The following PDE4D variants were observed in gnomAD, a reference collection of about 807,000 sequenced individuals.
PDE4D encodes 3',5'-cyclic-AMP phosphodiesterase 4D.
PDE4D carries 24 observed loss-of-function variants against 87.4 expected under a neutral mutation model. The ratio of observed to expected loss-of-function variants is 0.27; its 90% CI spans 0.20 to 0.39. The LOEUF is 0.39. Among genes scored for constraint, PDE4D ranks in the 10% least tolerant of loss-of-function variants. The pLI, the probability that PDE4D is intolerant of heterozygous loss-of-function variation, is 1.00. For synonymous variants in PDE4D, 384 were observed against 383.2 expected, an observed-to-expected ratio of 1.00 and a Z score of -0.02; for missense variants, 714 against 1,041.0, an observed-to-expected ratio of 0.69 and a Z score of 4.32.
At position 59,081,527 on chromosome 5, in the gene PDE4D, A is replaced by AAAAAAAAAG. The variant is rs1321797237; in HGVS notation, c.809-42557_809-42556insCTTTTTTTT. 6.3e-4 allele frequency among the ~76,000 whole-genome samples: 96 copies of AAAAAAAAAG among 151,422 alleles called. No individual in the cohort carries two copies. In the East Asian group the frequency reaches 7.9e-3, roughly 13 times the overall value. On this transcript the variant is annotated intron_variant, in intron 5 of 14. Coordinates refer to ENST00000340635, the MANE Select transcript of PDE4D (RefSeq NM_001104631.2). ...CCAGGAAGTAATCAGGTAAAAAAAA[A>AAAAAAAAAG]AAAGAAAAAAAGTGGGTTTGTTACC...
At chr5:60,383,924 C>T (rs1762032636) in intron 1 of PDE4D, among the ~76,000 whole-genome samples, 1 of 152,110 alleles carries the variant, frequency 6.6e-6, no homozygotes, top group Non-Finnish European at 1.5e-5. Context: ...AAGCACAGTA[C>T]CTACCCAGGG....
intron 12 of PDE4D, 23 bp from the exon 13 acceptor site, chr5:58,976,495 T>TAA (rs1262262347): frequency 6.6e-7 from 1 of 1,509,628 alleles, no homozygotes; most frequent in Non-Finnish European, 9.0e-7. Context: ...AGTATATTAT[T>TAA]AAGTTCAGAG....
intron 1 of PDE4D, among the ~76,000 whole-genome samples, chr5:60,437,463 G>A (rs1402026961): frequency 6.6e-6 from 1 of 152,120 alleles, no homozygotes; most frequent in Non-Finnish European, 1.5e-5. Context: ...TACAGCACAA[G>A]AAAAGCTAAG....
intron 3 of PDE4D, among the ~76,000 whole-genome samples, chr5:59,976,323 T>G (rs1761326006): frequency 6.6e-6 from 1 of 152,202 alleles, no homozygotes; most frequent in South Asian, 2.1e-4. Flanking sequence ...TGTTGAGATT[T>G]GATTCCCAAT....
chr5:60,050,147 C>T (rs2152878008), intron 2 of PDE4D, among the ~76,000 whole-genome samples: 1 of 152,284 alleles, frequency 6.6e-6, no homozygotes, highest in South Asian at 2.1e-4. Flanking sequence ...TCTGTCACCC[C>T]TTTCTTTGAC....
rs919734563 is a variant in PDE4D, at chr5:59,295,995, C to T, written c.456-80027G>A. On this transcript the variant is annotated intron_variant, in intron 1 of 14. Transcript: ENST00000340635. ...CTGCTATTCAGAGAGCCAACATAGC[C>T]AACGTTTCTCAATTGTACAGAGAAA... Among the ~76,000 whole-genome samples, 4 of 151,826 alleles carry T rather than the reference C, an allele frequency of 2.6e-5. 1 individual carries two copies. Among genetic ancestry groups the T allele is most frequent in the Admixed American group, 2.0e-4 (3 of 15,234 alleles).
At chr5:60,026,463 A>G (rs1203322801) in intron 2 of PDE4D, among the ~76,000 whole-genome samples, 1 of 152,216 alleles carries the variant, frequency 6.6e-6, no homozygotes, top group African/African-American at 2.4e-5. Flanking sequence ...GCTCACATGT[A>G]CTTAATTAAT....
At chr5:59,376,065 C>A (rs1784676671) in intron 1 of PDE4D, among the ~76,000 whole-genome samples, 1 of 152,128 alleles carries the variant, frequency 6.6e-6, no homozygotes, top group African/African-American at 2.4e-5. Context: ...CAATGATATA[C>A]CCACAGTCAA....
At chr5:60,100,329 T>A (rs1362230237) in intron 2 of PDE4D, among the ~76,000 whole-genome samples, 1 of 151,968 alleles carries the variant, frequency 6.6e-6, no homozygotes, top group African/African-American at 2.4e-5. Context: ...ATAGATGGGA[T>A]TGGGAGACAG....
chr5:59,256,910 C>T (rs1369070731), intron 1 of PDE4D, among the ~76,000 whole-genome samples: 2 of 151,900 alleles, frequency 1.3e-5, no homozygotes, highest in African/African-American at 4.8e-5. Flanking sequence ...TAAAGTTCTT[C>T]CAGAGCAACA....
chr5:59,849,644 A>T (rs1039706284), intron 1 of PDE4D, among the ~76,000 whole-genome samples: 14 of 150,840 alleles, frequency 9.3e-5, no homozygotes, highest in Non-Finnish European at 2.1e-4. Context: ...TTTTTTTTTT[A>T]AATCATACAT....
chr5:59,276,096 C>CA, intron 1 of PDE4D: 1 of 446,142 alleles, frequency 2.2e-6, no homozygotes, highest in Non-Finnish European at 2.7e-6. Flanking sequence ...GAAGGCAGTT[C>CA]AAAACACCGC....
At chr5:59,268,698 T>C (rs919448973) in intron 1 of PDE4D, among the ~76,000 whole-genome samples, 1 of 152,128 alleles carries the variant, frequency 6.6e-6, no homozygotes, top group Non-Finnish European at 1.5e-5. Flanking sequence ...CTTACCAACC[T>C]AGCTAATATC....
chr5:60,313,563 A>G (rs1216397203), intron 1 of PDE4D, among the ~76,000 whole-genome samples: 1 of 152,112 alleles, frequency 6.6e-6, no homozygotes. Flanking sequence ...ACTAGGAGGG[A>G]CTCCTCCCTA....
chr5:59,255,426 A>G (rs1056589143), intron 1 of PDE4D, among the ~76,000 whole-genome samples: 4 of 152,064 alleles, frequency 2.6e-5, no homozygotes, highest in Admixed American at 2.6e-4. Flanking sequence ...GGCAGGTGAT[A>G]TGGAGCAGGT....
chr5:59,238,811 C>T (rs1757038818), intron 1 of PDE4D, among the ~76,000 whole-genome samples: 1 of 152,198 alleles, frequency 6.6e-6, no homozygotes, highest in African/African-American at 2.4e-5. Context: ...CAATCTCTCT[C>T]ATATCCTAGT....
chr5:59,668,092 C>G (rs1014813148), intron 1 of PDE4D, among the ~76,000 whole-genome samples: 2 of 152,120 alleles, frequency 1.3e-5, no homozygotes, highest in Non-Finnish European at 2.9e-5. Flanking sequence ...CAGTTCAAGT[C>G]TCTTTGATGT....
chr5:60,357,710 T>C (rs1342432394), intron 1 of PDE4D, among the ~76,000 whole-genome samples: 1 of 152,204 alleles, frequency 6.6e-6, no homozygotes, highest in Non-Finnish European at 1.5e-5. Context: ...TGGGTTATAT[T>C]ATTCTCCTCA....
intron 2 of PDE4D, among the ~76,000 whole-genome samples, chr5:60,126,218 T>G (rs1287746198): frequency 6.8e-6 from 1 of 146,866 alleles, no homozygotes. Flanking sequence ...AAAAAAAAGG[T>G]TGTTGACTTA....
Sources: allele counts gnomAD v4.1 joint callset (sites outside exome capture counted in the v4.1 genomes callset), GRCh38; gene constraint gnomAD v4.1.1; transcripts MANE v1.5; gene names NCBI Gene and HGNC (gene_info 2026-07-23, HGNC 2026-07-21).